Variants in NDUFA5 observed in about 807,000 individuals in gnomAD.
NDUFA5 encodes the protein NADH dehydrogenase [ubiquinone] 1 alpha subcomplex subunit 5.
In NDUFA5, 11 loss-of-function variants were observed where a neutral mutation model predicts 19.8. The observed-to-expected ratio is 0.56, with a 90% CI of 0.35 to 0.92. NDUFA5 has a LOEUF of 0.92. Ranked by LOEUF, NDUFA5 falls within the 40% of genes least tolerant of loss-of-function variation. The pLI is 0.01. For missense variants in NDUFA5, 109 were observed against 134.2 expected (o/e 0.81, Z 0.93); for synonymous variants, 47 against 46.8 (o/e 1.00, Z -0.01).
chr7:123,576,927 C>G, the NDUFA5 span, among the ~76,000 whole-genome samples: 3 of 152,144 alleles, frequency 2.0e-5, no homozygotes, highest in East Asian at 5.8e-4. Context: ...TGTCATTCTC[C>G]GTGTTGCTTA....
the NDUFA5 span, among the ~76,000 whole-genome samples, chr7:123,564,105 G>T: frequency 1.3e-5 from 2 of 152,156 alleles, no homozygotes; most frequent in African/African-American, 4.8e-5. Flanking sequence ...AAAAATAGGC[G>T]ATGCCTAGAA....
At chr7:123,576,762 A>C in the NDUFA5 span, among the ~76,000 whole-genome samples, 62 of 152,254 alleles carry the variant, frequency 4.1e-4, no homozygotes, top group African/African-American at 1.4e-3. Context: ...ACCTTTAGAA[A>C]GTATATTTTT....
chr7:123,569,267 T>C, the NDUFA5 span, among the ~76,000 whole-genome samples: 1 of 152,186 alleles, frequency 6.6e-6, no homozygotes, highest in South Asian at 2.1e-4. Context: ...AAGCTTTTCT[T>C]CTTTTAAATG....
At chr7:123,558,011 C>T (rs1798629670), upstream of NDUFA5, 1 of 720,814 alleles carries the variant, frequency 1.4e-6, no homozygotes, top group Non-Finnish European at 2.2e-6. Flanking sequence ...AGCTAGAAGA[C>T]GATTGGGGAA....
At chr7:123,566,940 T>A in the NDUFA5 span, 1 of 152,194 alleles carries the variant, frequency 6.6e-6, no homozygotes, top group East Asian at 1.9e-4. Flanking sequence ...AGAATTTTTA[T>A]CATTGTAGGA....
upstream of NDUFA5, among the ~76,000 whole-genome samples, chr7:123,562,798 C>CTTT (rs35492926): frequency 7.4e-6 from 1 of 136,034 alleles, no homozygotes; most frequent in Non-Finnish European, 1.6e-5. Flanking sequence ...TTCTTTCTTT[C>CTTT]TTTTTTTTTT....
At chr7:123,594,177 C>T in the NDUFA5 span, among the ~76,000 whole-genome samples, 1 of 152,068 alleles carries the variant, frequency 6.6e-6, no homozygotes, top group East Asian at 1.9e-4. Flanking sequence ...TTTGCCATTC[C>T]TCTAACCTTT....
chr7:123,601,501 A>C, the NDUFA5 span, among the ~76,000 whole-genome samples: 2 of 152,322 alleles, frequency 1.3e-5, no homozygotes, highest in South Asian at 4.1e-4. Flanking sequence ...AAAGTGGATT[A>C]GGCTCTGACA....
At chr7:123,561,954 T>C (rs1286497371), upstream of NDUFA5, among the ~76,000 whole-genome samples, 1 of 151,864 alleles carries the variant, frequency 6.6e-6, no homozygotes, top group Non-Finnish European at 1.5e-5. Flanking sequence ...AAGAAGGTTT[T>C]CAATTTATGT....
At chr7:123,579,435 G>T in the NDUFA5 span, among the ~76,000 whole-genome samples, 1 of 152,008 alleles carries the variant, frequency 6.6e-6, no homozygotes, top group Non-Finnish European at 1.5e-5. Flanking sequence ...TTATATGTTT[G>T]TTCTATGAAT....
chr7:123,575,831 T>G, the NDUFA5 span, among the ~76,000 whole-genome samples: 1 of 150,796 alleles, frequency 6.6e-6, no homozygotes, highest in African/African-American at 2.4e-5. Flanking sequence ...TTTTTTTTTT[T>G]GAAATCCACT....
the NDUFA5 span, among the ~76,000 whole-genome samples, chr7:123,595,501 A>G: frequency 4.6e-5 from 7 of 152,184 alleles, no homozygotes; most frequent in Non-Finnish European, 8.8e-5. Context: ...TCCCCACTTC[A>G]ATGACCAACT....
At chr7:123,579,533 TTCTC>T in the NDUFA5 span, among the ~76,000 whole-genome samples, 297 of 152,204 alleles carry the variant, frequency 2.0e-3, 1 homozygote, top group African/African-American at 2.8e-3. Context: ...CTGATTTCTT[TTCTC>T]TCTATTATCT....
chr7:123,571,933 C>T, the NDUFA5 span, among the ~76,000 whole-genome samples: 115 of 151,930 alleles, frequency 7.6e-4, no homozygotes, highest in African/African-American at 2.8e-3. Flanking sequence ...TCATGCCCAG[C>T]TAGTTTTTTT....
chr7:123,597,630 G>A, the NDUFA5 span, among the ~76,000 whole-genome samples: 1 of 151,990 alleles, frequency 6.6e-6, no homozygotes, highest in Admixed American at 6.6e-5. Flanking sequence ...TCAGGAGTTC[G>A]AGACCAGCTT....
At chr7:123,596,548 G>A in the NDUFA5 span, 1 of 152,128 alleles carries the variant, frequency 6.6e-6, no homozygotes, top group African/African-American at 2.4e-5. Flanking sequence ...GGAGGCGGAG[G>A]TTGCTGTGAA....
rs1798623129 is a variant in NDUFA5, at chr7:123,557,813, G to A, written c.-18C>T. 3.1e-6 allele frequency: 5 copies of A among 1,613,856 alleles called. No individual in the cohort carries two copies. In the African/African-American group the frequency reaches 5.3e-5, roughly 17 times the overall value. On this transcript the variant is annotated 5_prime_UTR_variant, in exon 1 of 5. Transcript: ENST00000355749. ...CCCGCCATGACAGCGCCAACGACTC[G>A]GTGACGCACAACCCTTTGGGAACAA...
chr7:123,554,736 T>C (rs1191355496), intron 2 of NDUFA5: 1 of 151,432 alleles, frequency 6.6e-6, no homozygotes, highest in African/African-American at 2.4e-5. Context: ...CAGGCTAGAG[T>C]GTAATGGCAT....
the NDUFA5 span, among the ~76,000 whole-genome samples, chr7:123,588,313 G>A: frequency 1.3e-5 from 2 of 151,440 alleles, no homozygotes. Flanking sequence ...GTTTATTAGT[G>A]CTTAATTGTT....
Sources: gnomAD v4.1 joint callset for allele counts (sites outside exome capture counted in the v4.1 genomes callset) on GRCh38, gnomAD v4.1.1 for gene constraint, MANE v1.5 for transcripts, NCBI Gene and HGNC (gene_info 2026-07-23, HGNC 2026-07-21) for gene names.